The following C11orf65 variants were observed in gnomAD, a reference collection of about 807,000 sequenced individuals.
C11orf65 encodes protein MFI.
Under a neutral mutation model 35.3 loss-of-function variants are expected in C11orf65, and 38 were observed. That is an observed-to-expected ratio of 1.08 (90% CI 0.83 to 1.41). C11orf65 has a LOEUF of 1.41. Ranked by LOEUF, C11orf65 falls within the 40% of genes most tolerant of loss-of-function variation. The pLI is 0.00. For synonymous variants in C11orf65, 105 were observed against 114.4 expected, an observed-to-expected ratio of 0.92 and a Z score of 0.53; for missense variants, 370 against 367.1, an observed-to-expected ratio of 1.01 and a Z score of -0.06.
intron 6 of C11orf65, chr11:108,326,199 A>G (rs866191653): frequency 6.2e-7 from 1 of 1,614,174 alleles, no homozygotes; most frequent in South Asian, 1.1e-5. Context: ...GCAAATGATC[A>G]AGAAGTTGGA....
Position 108,335,096 on chromosome 11 carries a change from G to A in C11orf65, c.299+124C>T, listed in dbSNP as rs876659351. The A allele has an allele frequency of 6.2e-7, 1 of 1,614,060 alleles. No homozygotes were observed. Among genetic ancestry groups the A allele is most frequent in the Non-Finnish European group, 8.5e-7 (1 of 1,179,978 alleles). On this transcript the variant is annotated intron_variant, in intron 3 of 3. Transcript: ENST00000524755. ...GTAGGTTCCGATGGCAAGGAGAGGA[G>A]ACAGCTTGTTAAGGTGAGCCTTCCC...
At chr11:108,418,950 A>G (rs2092778580) in intron 3 of C11orf65, among the ~76,000 whole-genome samples, 1 of 152,212 alleles carries the variant, frequency 6.6e-6, no homozygotes, top group Admixed American at 6.5e-5. Context: ...GAAGAAATAC[A>G]AAATAGAAAT....
intron 6 of C11orf65, chr11:108,321,241 A>G (rs1591106506): frequency 6.2e-7 from 1 of 1,605,326 alleles, no homozygotes; most frequent in South Asian, 1.1e-5. Flanking sequence ...AAATTTAAAC[A>G]TTTATTTCCC....
chr11:108,332,991 C>G (rs1250688121), intron 3 of C11orf65: 3 of 1,466,946 alleles, frequency 2.0e-6, no homozygotes, highest in Non-Finnish European at 1.9e-6. Context: ...AGTAAATCTG[C>G]TTAAAATCAC....
rs199746635 is a variant in C11orf65 at position 108,430,844 on chromosome 11, T to TA, written c.174+901dup. Among the ~76,000 whole-genome samples, 884 of 145,454 alleles carry TA rather than the reference T, an allele frequency of 6.1e-3. 7 individuals carry two copies. Among genetic ancestry groups the TA allele is most frequent in the East Asian group, 0.011 (52 of 4,912 alleles). On this transcript the variant is annotated intron_variant, in intron 3 of 8. Transcript: ENST00000393084. ...TGGGTGACAGAGTGAGACCCTGTCT[T>TA]AAAAAAATAAATAAATAAAACAAAA...
intron 2 of C11orf65, among the ~76,000 whole-genome samples, chr11:108,341,936 T>C (rs2087629471): frequency 1.3e-5 from 2 of 152,206 alleles, no homozygotes; most frequent in African/African-American, 4.8e-5. Context: ...GAGGTGAAGA[T>C]GTATCTCTGG....
chr11:108,399,777 T>A (rs2092402774), intron 6 of C11orf65, among the ~76,000 whole-genome samples: 1 of 152,210 alleles, frequency 6.6e-6, no homozygotes. Flanking sequence ...TTTAATTGAT[T>A]AGATAAATCC....
chr11:108,417,151 T>A (rs2092746630), intron 3 of C11orf65, among the ~76,000 whole-genome samples: 1 of 152,112 alleles, frequency 6.6e-6, no homozygotes, highest in Non-Finnish European at 1.5e-5. Flanking sequence ...AGGGTAGATT[T>A]AAATCCCCAA....
At chr11:108,424,046 A>T (rs4754319) in intron 3 of C11orf65, among the ~76,000 whole-genome samples, 17,158 of 152,238 alleles carry the variant, frequency 0.11, 1,319 homozygotes, top group Non-Finnish European at 0.15. Flanking sequence ...ACTAAACTGG[A>T]CAGAGAATGA....
chr11:108,405,135 C>A (rs2092516621), intron 6 of C11orf65, among the ~76,000 whole-genome samples: 1 of 152,214 alleles, frequency 6.6e-6, no homozygotes, highest in African/African-American at 2.4e-5. Flanking sequence ...TAATGGCGTT[C>A]ACTCAAACTT....
chr11:108,444,068 A>G (rs375730502), intron 2 of C11orf65, among the ~76,000 whole-genome samples: 2 of 152,142 alleles, frequency 1.3e-5, no homozygotes, highest in Non-Finnish European at 2.9e-5. Flanking sequence ...TTGATAGACC[A>G]CTAGCAAGAC....
At chr11:108,359,589 A>G (rs1167503107) in intron 2 of C11orf65, among the ~76,000 whole-genome samples, 3 of 152,218 alleles carry the variant, frequency 2.0e-5, no homozygotes, top group Non-Finnish European at 2.9e-5. Flanking sequence ...AGATTATAAC[A>G]AACTATCTCT....
chr11:108,402,004 A>G (rs145702215), intron 6 of C11orf65, among the ~76,000 whole-genome samples: 16 of 152,290 alleles, frequency 1.1e-4, no homozygotes, highest in African/African-American at 3.9e-4. Flanking sequence ...ACCCTCACAC[A>G]ATGCTTCTGA....
At chr11:108,318,796 G>T (rs115272498) in intron 6 of C11orf65, among the ~76,000 whole-genome samples, 1,545 of 152,096 alleles carry the variant, frequency 0.01, 36 homozygotes, top group African/African-American at 0.034. Flanking sequence ...TCTAATAAAG[G>T]ATTTCATATT....
intron 2 of C11orf65, among the ~76,000 whole-genome samples, chr11:108,443,285 T>C (rs1291178580): frequency 2.0e-5 from 3 of 152,176 alleles, no homozygotes; most frequent in African/African-American, 4.8e-5. Flanking sequence ...CTATCCTAAA[T>C]ATATATGCAC....
chr11:108,343,442 ATAT>A lies in C11orf65; in HGVS notation c.227-8153_227-8151del, dbSNP rs1349562338. 19 of 1,563,050 alleles carry A rather than the reference ATAT, an allele frequency of 1.2e-5. No homozygotes were observed. The East Asian group carries it at 3.2e-4, about 26-fold the overall frequency. On this transcript the variant is annotated intron_variant, in intron 2 of 3. Transcript: ENST00000524755. Reference sequence around the variant, plus strand: ...GCTTATTAAAGCTGACAGCTGTCAGATATTATAGAATACAAAAAAACTTTAATT... The same window carrying A: ...GCTTATTAAAGCTGACAGCTGTCAGATATAGAATACAAAAAAACTTTAATT...
At chr11:108,407,060 T>C in intron 4 of C11orf65, 36 bp downstream of exon 4, 1 of 1,589,526 alleles carries the variant, frequency 6.3e-7, no homozygotes, top group Non-Finnish European at 8.6e-7. Context: ...AAAAATGTGC[T>C]TTATAACTAC....
rs786203721 is a variant in C11orf65, at chr11:108,365,169, C to A, written c.226+28039G>T. 16 of 1,614,104 alleles carry A rather than the reference C, an allele frequency of 9.9e-6. No individual in the cohort carries two copies. The highest frequency in any genetic ancestry group is 1.4e-5 in the Non-Finnish European group (16 of 1,180,040). On this transcript the variant is annotated intron_variant, in intron 2 of 3. Coordinates refer to the C11orf65 transcript ENST00000524755. The stretch of plus-strand genomic sequence containing the variant: ...GCAGAGGCCGGAAGATGAAACTGAG[C>A]TTCACCCTACTCTGAATGCAGATGA...
chr11:108,444,376 T>A (rs1474771166), intron 2 of C11orf65, among the ~76,000 whole-genome samples: 1 of 152,136 alleles, frequency 6.6e-6, no homozygotes, highest in South Asian at 2.1e-4. Context: ...CACAGCCGAA[T>A]TCTACCAGAG....
Sources: allele counts gnomAD v4.1 joint callset (sites outside exome capture counted in the v4.1 genomes callset), GRCh38; gene constraint gnomAD v4.1.1; transcripts MANE v1.5; gene names NCBI Gene and HGNC (gene_info 2026-07-23, HGNC 2026-07-21).